The following TRAPPC9 variants were observed in gnomAD, a reference collection of about 807,000 sequenced individuals.
The protein encoded by TRAPPC9 is trafficking protein particle complex subunit 9.
A neutral mutation model predicts 124.0 loss-of-function variants in TRAPPC9; 83 were observed. The ratio of observed to expected loss-of-function variants is 0.67; its 90% CI spans 0.56 to 0.80. The LOEUF (loss-of-function observed/expected upper bound fraction) is 0.80. Ranked by LOEUF, TRAPPC9 falls within the 30% of genes least tolerant of loss-of-function variation. TRAPPC9 has a pLI of 0.00. For synonymous variants in TRAPPC9, 638 were observed against 617.5 expected (o/e 1.03, Z -0.49); for missense variants, 1,302 against 1,508.3 (o/e 0.86, Z 2.27).
intron 1 of TRAPPC9, among the ~76,000 whole-genome samples, chr8:140,454,260 GC>G (rs1180857487): frequency 6.6e-6 from 1 of 152,082 alleles, no homozygotes; most frequent in African/African-American, 2.4e-5. Flanking sequence ...CTGCACTCCA[GC>G]CTGGGTAACA....
chr8:140,081,346 C>CATTTTTTTTTT (rs35254769), intron 17 of TRAPPC9, among the ~76,000 whole-genome samples: 4 of 141,050 alleles, frequency 2.8e-5, no homozygotes, highest in South Asian at 2.2e-4. Flanking sequence ...AAAATGAATG[C>CATTTTTTTTTT]TTTTTTTTTT....
intron 7 of TRAPPC9, among the ~76,000 whole-genome samples, chr8:140,395,564 C>T (rs1333134476): frequency 6.6e-6 from 1 of 152,160 alleles, no homozygotes; most frequent in African/African-American, 2.4e-5. Flanking sequence ...TGGACCAACT[C>T]TGAGATGGTG....
intron 19 of TRAPPC9, among the ~76,000 whole-genome samples, chr8:139,919,335 C>G (rs1025054076): frequency 1.3e-5 from 2 of 152,170 alleles, no homozygotes; most frequent in Non-Finnish European, 2.9e-5. Context: ...TGATTTGAAC[C>G]ACTTGGCACA....
At chr8:140,035,888 T>TC (rs1232023443) in intron 17 of TRAPPC9, among the ~76,000 whole-genome samples, 1 of 152,082 alleles carries the variant, frequency 6.6e-6, no homozygotes, top group Non-Finnish European at 1.5e-5. Context: ...TGGCCACAGC[T>TC]CCCCCATCAA....
chr8:139,740,931 G>T (rs1194152267), intron 21 of TRAPPC9, among the ~76,000 whole-genome samples: 1 of 152,202 alleles, frequency 6.6e-6, no homozygotes, highest in Non-Finnish European at 1.5e-5. Context: ...GCAGCACCAG[G>T]AGGGGTGAAT....
At chr8:140,444,167 A>G (rs2071153805) in intron 2 of TRAPPC9, among the ~76,000 whole-genome samples, 1 of 150,378 alleles carries the variant, frequency 6.6e-6, no homozygotes, top group South Asian at 2.1e-4. Context: ...AGCAGAGAAC[A>G]TGCCACTGCC....
intron 17 of TRAPPC9, among the ~76,000 whole-genome samples, chr8:140,153,544 C>T (rs2061581757): frequency 2.0e-5 from 3 of 152,090 alleles, no homozygotes; most frequent in Admixed American, 2.0e-4. Context: ...CTGTCTTTCT[C>T]CATAGACAAT....
At position 140,316,977 on chromosome 8, in the gene TRAPPC9, C is replaced by T. The variant is rs542095196; in HGVS notation, c.1496-5603G>A. On this transcript the variant is annotated intron_variant, in intron 9 of 22. Coordinates refer to ENST00000438773, the MANE Select transcript of TRAPPC9 (RefSeq NM_001160372.4). ...TTGTATGTGTCCACGCAGTTATCCA[C>T]GTCTTCTAGGTCACTGAGTTTGTTG... Among the ~76,000 whole-genome samples the T allele has an allele frequency of 4.6e-5, 7 of 152,286 alleles. No individual in the cohort carries two copies. The East Asian group carries it at 1.2e-3, about 25-fold the overall frequency.
chr8:140,369,389 C>T (rs531664640), intron 8 of TRAPPC9, among the ~76,000 whole-genome samples: 25 of 152,298 alleles, frequency 1.6e-4, no homozygotes, highest in African/African-American at 5.8e-4. Context: ...GTCTCCTTTG[C>T]CATCGCATCA....
At position 140,283,992 on chromosome 8, in the gene TRAPPC9, T is replaced by G. The variant is rs768280568; in HGVS notation, c.2011A>C (p.Ser671Arg). 1.9e-6 allele frequency: 3 copies of G among 1,613,984 alleles called. No homozygotes were observed. Among genetic ancestry groups the G allele is most frequent in the Non-Finnish European group, 2.5e-6 (3 of 1,180,008 alleles). Residue 671 changes from serine (S) to arginine (R), a missense_variant, in exon 14 of 23, where the codon AGT becomes CGT. Physicochemically the swap from Ser to Arg is moderately radical, Grantham distance 110. Coordinates refer to ENST00000438773, the MANE Select transcript of TRAPPC9 (RefSeq NM_001160372.4). ...GYHTTVFGVFSDCLLDNLPGI... is the reference protein window; with the variant it reads ...GYHTTVFGVFRDCLLDNLPGI... ...GGCAGGTTATCCAGCAAACAGTCAC[T>G]GAACACACCGAAGACCGTGGTATGG... is the stretch of plus-strand genomic sequence containing the variant.
chr8:139,923,112 C>T (rs561460969), intron 19 of TRAPPC9, among the ~76,000 whole-genome samples: 1,450 of 107,228 alleles, frequency 0.014, 18 homozygotes, highest in African/African-American at 0.042. Context: ...GGATGCCATC[C>T]GTTCCGGAGG....
chr8:140,268,333 G>C (rs2064758138), intron 15 of TRAPPC9, among the ~76,000 whole-genome samples: 1 of 148,038 alleles, frequency 6.8e-6, no homozygotes, highest in Non-Finnish European at 1.5e-5. Context: ...CAGGTCCTCT[G>C]TTCATTCATG....
intron 21 of TRAPPC9, among the ~76,000 whole-genome samples, chr8:139,795,030 T>C (rs1822950961): frequency 6.6e-6 from 1 of 152,128 alleles, no homozygotes; most frequent in Non-Finnish European, 1.5e-5. Context: ...TACGTCCCAG[T>C]TATTTCTCAT....
At chr8:140,456,945 G>T in intron 1 of TRAPPC9, 1 of 460,848 alleles carries the variant, frequency 2.2e-6, no homozygotes, top group Non-Finnish European at 2.9e-6. Flanking sequence ...GATTGGGGTG[G>T]GCTGACAGGG....
chr8:139,760,828 G>A (rs900779238), intron 21 of TRAPPC9, among the ~76,000 whole-genome samples: 1 of 152,126 alleles, frequency 6.6e-6, no homozygotes, highest in Non-Finnish European at 1.5e-5. Flanking sequence ...AGAACAGCAC[G>A]GGAAAGACCT....
intron 21 of TRAPPC9, among the ~76,000 whole-genome samples, chr8:139,769,264 T>A (rs1820791747): frequency 6.6e-6 from 1 of 152,246 alleles, no homozygotes; most frequent in South Asian, 2.1e-4. Context: ...ACTTATGTAT[T>A]AGGCATAGTG....
chr8:140,433,357 G>A (rs904762066), intron 4 of TRAPPC9, among the ~76,000 whole-genome samples: 2 of 151,682 alleles, frequency 1.3e-5, no homozygotes, highest in Admixed American at 6.6e-5. Context: ...GGGAGGCCGA[G>A]GCAGGCAGAT....
At chr8:140,217,560 C>A (rs1449645991) in intron 17 of TRAPPC9, among the ~76,000 whole-genome samples, 1 of 151,934 alleles carries the variant, frequency 6.6e-6, no homozygotes, top group Non-Finnish European at 1.5e-5. Flanking sequence ...CAGCATAATA[C>A]AAATAAATAT....
chr8:140,389,145 C>T (rs1318877532), intron 7 of TRAPPC9, among the ~76,000 whole-genome samples: 4 of 151,628 alleles, frequency 2.6e-5, no homozygotes, highest in African/African-American at 9.7e-5. Flanking sequence ...TTAGTAGAGA[C>T]GGGGTTTCTA....
Sources: gnomAD v4.1 joint callset for allele counts (sites outside exome capture counted in the v4.1 genomes callset) on GRCh38, gnomAD v4.1.1 for gene constraint, MANE v1.5 for transcripts, NCBI Gene and HGNC (gene_info 2026-07-23, HGNC 2026-07-21) for gene names.